TRPM3: variants seen among roughly 807,000 people sequenced by gnomAD.
TRPM3 encodes the protein transient receptor potential cation channel subfamily M member 3.
In TRPM3, 77 loss-of-function variants were observed where a neutral mutation model predicts 181.2. That is an observed-to-expected ratio of 0.42 (90% CI 0.35 to 0.51). The LOEUF is 0.51. Ranked by LOEUF, TRPM3 falls within the 20% of genes least tolerant of loss-of-function variation. The pLI is 0.01. For missense variants in TRPM3, 1,759 were observed against 2,196.7 expected, an observed-to-expected ratio of 0.80 and a Z score of 3.98; for synonymous variants, 745 against 796.4, an observed-to-expected ratio of 0.94 and a Z score of 1.09.
In TRPM3 at chr9:70,783,877, T is replaced by C. The variant is rs1468848155; in HGVS notation, c.1148+228A>G. On this transcript the variant is annotated intron_variant, in intron 7 of 25. Coordinates refer to ENST00000677713, the MANE Select transcript of TRPM3 (RefSeq NM_001366145.2). ...TGACCTCCTCTCTTTTCCTCACCCT[T>C]TTTATTATCCGTGTAGCTTTCATAG... is the stretch of plus-strand genomic sequence containing the variant. The C allele has an allele frequency of 6.5e-6, 8 of 1,229,882 alleles. No homozygotes were observed. In the Admixed American group the frequency reaches 3.1e-4, roughly 48 times the overall value. The allele number at this position is 1,229,882 out of a possible 1,614,324, so 76.2% of individuals were successfully genotyped here.
At chr9:70,593,194 C>T (rs1192873359) in intron 21 of TRPM3, among the ~76,000 whole-genome samples, 1 of 152,194 alleles carries the variant, frequency 6.6e-6, no homozygotes, top group African/African-American at 2.4e-5. Context: ...TAAAATCTGA[C>T]ATCCATTCAT....
chr9:70,882,606 C>T (rs980190627), intron 1 of TRPM3, among the ~76,000 whole-genome samples: 13 of 152,176 alleles, frequency 8.5e-5, no homozygotes, highest in African/African-American at 3.1e-4. Flanking sequence ...TATTCTGGAA[C>T]ACATTGCCTT....
At chr9:70,942,137 T>G (rs766557825) in intron 1 of TRPM3, among the ~76,000 whole-genome samples, 14 of 152,208 alleles carry the variant, frequency 9.2e-5, no homozygotes, top group African/African-American at 1.9e-4. Flanking sequence ...ACCTTTCAAC[T>G]GAGATATTTT....
chr9:71,012,134 C>A (rs1196431564), intron 1 of TRPM3, among the ~76,000 whole-genome samples: 2 of 151,948 alleles, frequency 1.3e-5, no homozygotes, highest in Non-Finnish European at 2.9e-5. Context: ...ATGCTTAGAT[C>A]TTTGACCCAT....
At chr9:71,405,054 A>G (rs1476239092) in intron 1 of TRPM3, among the ~76,000 whole-genome samples, 1 of 152,208 alleles carries the variant, frequency 6.6e-6, no homozygotes, top group East Asian at 1.9e-4. Flanking sequence ...CATGTATGTT[A>G]AGTGGATACC....
intron 7 of TRPM3, 148 bp from the exon 8 acceptor site, chr9:70,761,872 G>A: frequency 2.2e-6 from 2 of 925,244 alleles, no homozygotes; most frequent in Non-Finnish European, 1.5e-6. Context: ...TATCCCGCCT[G>A]TGATAATTTA....
At chr9:71,182,171 A>T (rs548227888) in intron 1 of TRPM3, among the ~76,000 whole-genome samples, 39 of 152,194 alleles carry the variant, frequency 2.6e-4, no homozygotes, top group African/African-American at 9.4e-4. Flanking sequence ...TTTTTTCTCA[A>T]ACATGTATTT....
At chr9:71,151,403 T>C (rs1323101074) in intron 1 of TRPM3, among the ~76,000 whole-genome samples, 3 of 152,100 alleles carry the variant, frequency 2.0e-5, no homozygotes, top group South Asian at 2.1e-4. Flanking sequence ...TACAAGAGCT[T>C]TATAAATTCT....
chr9:71,010,232 G>A (rs538150262), intron 1 of TRPM3, among the ~76,000 whole-genome samples: 12 of 152,092 alleles, frequency 7.9e-5, no homozygotes, highest in Non-Finnish European at 1.5e-4. Flanking sequence ...AGACAAATGC[G>A]GTTACATGAA....
At chr9:71,203,348 T>C (rs905873139) in intron 1 of TRPM3, among the ~76,000 whole-genome samples, 3 of 152,200 alleles carry the variant, frequency 2.0e-5, no homozygotes, top group Non-Finnish European at 2.9e-5. Flanking sequence ...ATATTCAATA[T>C]TAGTGTTGTC....
At chr9:70,954,652 T>TA (rs995647139) in intron 1 of TRPM3, among the ~76,000 whole-genome samples, 12 of 152,152 alleles carry the variant, frequency 7.9e-5, no homozygotes, top group East Asian at 3.9e-4. Flanking sequence ...GTTTCACACT[T>TA]AAAAAAAACT....
chr9:70,603,325 T>C lies in TRPM3; in HGVS notation c.2796+17A>G. 6.2e-7 allele frequency: 1 copy of C among 1,608,100 alleles called. No homozygotes were observed. The highest frequency in any genetic ancestry group is 1.7e-5 in the Admixed American group (1 of 59,056). On this transcript the variant is annotated intron_variant, in intron 20 of 25. Coordinates refer to ENST00000677713, the MANE Select transcript of TRPM3 (RefSeq NM_001366145.2). Reference sequence around the variant, plus strand: ...CCACTGTCTTTCTCTTACGTTTTCTTTTATAAAAGCCGTTACCTCTCTCAT... The same window carrying C: ...CCACTGTCTTTCTCTTACGTTTTCTCTTATAAAAGCCGTTACCTCTCTCAT...
intron 1 of TRPM3, among the ~76,000 whole-genome samples, chr9:71,349,031 C>T (rs1209269970): frequency 1.3e-5 from 2 of 152,140 alleles, no homozygotes; most frequent in Non-Finnish European, 2.9e-5. Context: ...CTTTAAATTC[C>T]CCCTTCCTGG....
intron 1 of TRPM3, among the ~76,000 whole-genome samples, chr9:70,958,169 C>T (rs1295344689): frequency 1.3e-5 from 2 of 152,064 alleles, no homozygotes; most frequent in Non-Finnish European, 2.9e-5. Context: ...GGGCAGTGAC[C>T]CCTTTCCATT....
intron 22 of TRPM3, among the ~76,000 whole-genome samples, chr9:70,586,523 C>T (rs1266082863): frequency 6.6e-6 from 1 of 152,140 alleles, no homozygotes; most frequent in African/African-American, 2.4e-5. Context: ...AGGATGGTGC[C>T]TCATATTGGC....
At chr9:70,603,588 CA>C in intron 19 of TRPM3, 118 bp from the exon 20 acceptor site, 1 of 1,113,548 alleles carries the variant, frequency 9.0e-7, no homozygotes, top group Non-Finnish European at 1.3e-6. Flanking sequence ...GACTTTATGA[CA>C]AAAGGAACTT....
At chr9:71,200,459 A>C (rs10868975) in intron 1 of TRPM3, among the ~76,000 whole-genome samples, 8 of 149,430 alleles carry the variant, frequency 5.4e-5, no homozygotes, top group Non-Finnish European at 7.4e-5. Context: ...ATCTGTCTAA[A>C]GTTGACAGTG....
At chr9:70,883,935 G>C (rs1041707292) in intron 1 of TRPM3, among the ~76,000 whole-genome samples, 12 of 152,158 alleles carry the variant, frequency 7.9e-5, no homozygotes, top group Non-Finnish European at 1.5e-5. Flanking sequence ...AAGTACAGAG[G>C]CTGAAACGTT....
chr9:71,318,363 G>T (rs953920564), intron 1 of TRPM3, among the ~76,000 whole-genome samples: 1 of 151,986 alleles, frequency 6.6e-6, no homozygotes, highest in African/African-American at 2.4e-5. Flanking sequence ...CTACAAATTT[G>T]TACAGGATTT....
Sources: gnomAD v4.1 joint callset for allele counts (sites outside exome capture counted in the v4.1 genomes callset) on GRCh38, gnomAD v4.1.1 for gene constraint, MANE v1.5 for transcripts, NCBI Gene and HGNC (gene_info 2026-07-23, HGNC 2026-07-21) for gene names.